The following SARDH variants were observed in gnomAD, a reference collection of about 807,000 sequenced individuals.
SARDH encodes sarcosine dehydrogenase.
SARDH carries 95 observed loss-of-function variants against 109.1 expected under a neutral mutation model. The observed-to-expected ratio is 0.87, with a 90% confidence interval of 0.74 to 1.03. The LOEUF (loss-of-function observed/expected upper bound fraction) is 1.03. Ranked by LOEUF, SARDH falls within the 50% of genes least tolerant of loss-of-function variation. SARDH has a pLI of 0.00. For missense variants in SARDH, 1,267 were observed against 1,287.8 expected, an observed-to-expected ratio of 0.98 and a Z score of 0.25; for synonymous variants, 572 against 534.8, an observed-to-expected ratio of 1.07 and a Z score of -0.96.
chr9:133,725,088 T>C (rs1207686755), intron 6 of SARDH, among the ~76,000 whole-genome samples: 1 of 152,192 alleles, frequency 6.6e-6, no homozygotes, highest in African/African-American at 2.4e-5. Flanking sequence ...ATACATGTAC[T>C]ACACGGACAA....
chr9:133,679,978 G>A (rs1297926500), intron 17 of SARDH, among the ~76,000 whole-genome samples: 1 of 152,196 alleles, frequency 6.6e-6, no homozygotes, highest in Non-Finnish European at 1.5e-5. Flanking sequence ...CATCTGGTTG[G>A]CTGGAACCCA....
In SARDH at chr9:133,733,889, C is replaced by T; in HGVS notation, c.285G>A (p.Leu95=). 3 of 1,509,852 alleles carry T rather than the reference C, an allele frequency of 2.0e-6. No homozygotes were observed. The highest frequency in any genetic ancestry group is 2.3e-5 in the East Asian group (1 of 42,574). 93.5% of individuals were successfully genotyped at this position (1,509,852 alleles called of 1,614,324 possible). A position where few individuals can be genotyped will look rare whatever the true frequency, so the allele number is the denominator to read the frequency against. The part of the protein sequence containing the change: ...LAKLGMSGAV[L]LERERLTSGT... ...CGGAGGTCAGCCGCTCCCGCTCCAGCAGCACCGCCCCACTCATGCCCAGCT... is the reference window on the plus strand; with the variant it reads ...CGGAGGTCAGCCGCTCCCGCTCCAGTAGCACCGCCCCACTCATGCCCAGCT... The change falls in exon 2 of 21, where the codon CTG becomes CTA. Residue 95 remains leucine (L), a synonymous_variant. Coordinates refer to ENST00000439388, the MANE Select transcript of SARDH (RefSeq NM_001134707.2).
intron 16 of SARDH, among the ~76,000 whole-genome samples, chr9:133,689,894 G>C (rs1045358274): frequency 2.0e-5 from 3 of 152,200 alleles, no homozygotes; most frequent in African/African-American, 7.2e-5. Flanking sequence ...TCATGGGTGG[G>C]GAACACAGCC....
At chr9:133,696,870 C>T (rs1485269715) in intron 13 of SARDH, among the ~76,000 whole-genome samples, 3 of 152,024 alleles carry the variant, frequency 2.0e-5, no homozygotes, top group Non-Finnish European at 2.9e-5. Context: ...GCTTGCATTA[C>T]GAAAGAAGAT....
chr9:133,707,939 G>A (rs943830035), intron 11 of SARDH, among the ~76,000 whole-genome samples: 13 of 152,276 alleles, frequency 8.5e-5, no homozygotes, highest in Middle Eastern at 3.4e-3. Context: ...CTCCCAATAC[G>A]TGGCTGCATA....
Position 133,690,519 on chromosome 9 carries a change from A to G in SARDH, c.1930T>C (p.Tyr644His). 6.3e-7 allele frequency: 1 copy of G among 1,599,800 alleles called. No individual in the cohort carries two copies. Among genetic ancestry groups the G allele is most frequent in the Non-Finnish European group, 8.5e-7 (1 of 1,175,070 alleles). The change falls in exon 16 of 21, where the codon TAC becomes CAC. Residue 644 changes from tyrosine to histidine, a missense_variant. Tyr to His is a moderately conservative substitution (Grantham distance 83). Coordinates refer to ENST00000439388, the MANE Select transcript of SARDH (RefSeq NM_001134707.2). ...ACGGCCCCGCCCATGGCCAGGTAGT[A>G]ACCGTCCCCTGGAAGAGAGGCACCT... ...PLAPAFEGDGYYLAMGGAVAQ... is the reference protein window; with the variant it reads ...PLAPAFEGDGHYLAMGGAVAQ...
chr9:133,682,237 C>T (rs765962049), intron 17 of SARDH, among the ~76,000 whole-genome samples: 11 of 152,122 alleles, frequency 7.2e-5, no homozygotes, highest in Non-Finnish European at 1.0e-4. Context: ...CAGCTGAGGG[C>T]GTTCCAAGTG....
intron 6 of SARDH, among the ~76,000 whole-genome samples, chr9:133,729,496 T>C (rs959528330): frequency 2.0e-5 from 3 of 152,174 alleles, no homozygotes; most frequent in Non-Finnish European, 4.4e-5. Flanking sequence ...CAGGACAGGC[T>C]GGACTGTGTT....
intron 6 of SARDH, among the ~76,000 whole-genome samples, chr9:133,722,756 C>T (rs561619313): frequency 4.1e-4 from 62 of 151,932 alleles, no homozygotes; most frequent in Non-Finnish European, 6.9e-4. Context: ...CTCACTGCAA[C>T]CTGCACCTCC....
Position 133,732,481 on chromosome 9 carries a change from C to A in SARDH, c.452G>T (p.Gly151Val). The change falls in exon 3 of 21, where the codon GGG becomes GTG. Residue 151 changes from glycine to valine, a missense_variant. Gly to Val is a moderately radical substitution (Grantham distance 109, BLOSUM62 -3). Transcript: ENST00000439388. ...TGLHTGWIQN[G>V]GLFIASNRQR... Reference sequence around the variant, plus strand: ...CCGGTTGGACGCGATGAAGAGGCCCCCATTCTGGATCCAGCCCGTGTGTAG... The same window carrying A: ...CCGGTTGGACGCGATGAAGAGGCCCACATTCTGGATCCAGCCCGTGTGTAG... 1 of 1,613,892 alleles carries A rather than the reference C, an allele frequency of 6.2e-7. No homozygotes were observed. Among genetic ancestry groups the A allele is most frequent in the Non-Finnish European group, 8.5e-7 (1 of 1,179,898 alleles).
chr9:133,670,594 T>G lies in SARDH; in HGVS notation c.2485A>C (p.Thr829Pro). 1 of 1,574,150 alleles carries G rather than the reference T, an allele frequency of 6.4e-7. No homozygotes were observed. Among genetic ancestry groups the G allele is most frequent in the Non-Finnish European group, 8.6e-7 (1 of 1,160,074 alleles). ...CAGCGGGATACTCACTCCTCCATGGTGAAGCACACCAGGCGCCGGCGGAGG... is the reference window on the plus strand; with the variant it reads ...CAGCGGGATACTCACTCCTCCATGGGGAAGCACACCAGGCGCCGGCGGAGG... Reference protein sequence around the residue: ...AGLRRRLVCFTMEDKVPMFGL... With the variant: ...AGLRRRLVCFPMEDKVPMFGL... The change falls in exon 19 of 21, where the codon ACC becomes CCC. Residue 829 changes from threonine to proline, a missense_variant. By Grantham distance (38) the Thr-to-Pro change is conservative. Coordinates refer to ENST00000439388, the MANE Select transcript of SARDH (RefSeq NM_001134707.2).
chr9:133,677,188 G>C (rs1830545558), intron 17 of SARDH, among the ~76,000 whole-genome samples: 1 of 152,090 alleles, frequency 6.6e-6, no homozygotes, highest in Non-Finnish European at 1.5e-5. Context: ...CCACCCCTTG[G>C]CGTGGCTCTA....
At position 133,664,554 on chromosome 9, in the gene SARDH, G is replaced by T. The variant is rs563005132; in HGVS notation, c.2632-540C>A. On this transcript the variant is annotated intron_variant, in intron 20 of 20. Coordinates refer to ENST00000439388, the MANE Select transcript of SARDH (RefSeq NM_001134707.2). ...AGGCAGGAGGAGGGTGTCACCTCCA[G>T]CCTGGCACAGCTGGTGACGCCTGGC... is the stretch of plus-strand genomic sequence containing the variant. 3.9e-5 allele frequency among the ~76,000 whole-genome samples: 6 copies of T among 152,294 alleles called. No individual in the cohort carries two copies. In the South Asian group the frequency reaches 1.2e-3, roughly 32 times the overall value.
rs999449746 is a variant in SARDH, at chr9:133,717,419, C to T, written c.1057G>A (p.Asp353Asn). The T allele has an allele frequency of 2.5e-6, 4 of 1,614,018 alleles. No individual in the cohort carries two copies. In the African/African-American group the frequency reaches 5.3e-5, roughly 22 times the overall value. The change falls in exon 8 of 21, where the codon GAC becomes AAC. Residue 353 changes from aspartate (D) to asparagine (N), a missense_variant. By Grantham distance (23) the Asp-to-Asn change is conservative. Coordinates refer to ENST00000439388, the MANE Select transcript of SARDH (RefSeq NM_001134707.2). ...DKFAFGLFDL[D>N]WEVFTQHIEG... is the part of the protein sequence containing the mutation. Reference sequence around the variant, plus strand: ...ATGTGCTGGGTGAACACCTCCCAGTCCAGGTCAAAGAGGCCGAAGGCAAAC... The same window carrying T: ...ATGTGCTGGGTGAACACCTCCCAGTTCAGGTCAAAGAGGCCGAAGGCAAAC...
At chr9:133,683,619 C>T (rs1315604183) in intron 17 of SARDH, among the ~76,000 whole-genome samples, 3 of 152,256 alleles carry the variant, frequency 2.0e-5, no homozygotes, top group African/African-American at 4.8e-5. Flanking sequence ...TAGACACAGC[C>T]GGCCCTGCTT....
At position 133,693,275 on chromosome 9, in the gene SARDH, C is replaced by T. The variant is rs1588411942; in HGVS notation, c.1921+983G>A. On this transcript the variant is annotated intron_variant, in intron 15 of 20. Coordinates refer to ENST00000439388, the MANE Select transcript of SARDH (RefSeq NM_001134707.2). The surrounding 1 kb of genome is among the most constrained non-coding windows in gnomAD (Gnocchi z 5.6). ...ACACACAGTCGGTGCTCAATGACTG[C>T]TGCCGAAGGTGCGGGTTATGAGCTG... Among the ~76,000 whole-genome samples the T allele has an allele frequency of 6.6e-6, 1 of 152,208 alleles. No individual in the cohort carries two copies. Among genetic ancestry groups the T allele is most frequent in the East Asian group, 1.9e-4 (1 of 5,206 alleles).
rs751874666 is a variant in SARDH at position 133,670,614 on chromosome 9, C to T, written c.2465G>A (p.Arg822His). The change falls in exon 19 of 21, where the codon CGC becomes CAC. Residue 822 changes from arginine (R) to histidine (H), a missense_variant. Transcript: ENST00000439388. The part of the protein sequence containing the change: ...ALEQQRAAGL[R>H]RRLVCFTMED... ...CATGGTGAAGCACACCAGGCGCCGG[C>T]GGAGGCCTGCGGCCCGCTGCTGCTC... 17 of 1,577,700 alleles carry T rather than the reference C, an allele frequency of 1.1e-5. No individual in the cohort carries two copies. Among genetic ancestry groups the T allele is most frequent in the Admixed American group, 3.6e-5 (2 of 54,816 alleles).
At chr9:133,675,651 C>T (rs1830488697) in intron 17 of SARDH, among the ~76,000 whole-genome samples, 3 of 152,322 alleles carry the variant, frequency 2.0e-5, no homozygotes, top group Middle Eastern at 3.4e-3. Context: ...TTTAAAAATA[C>T]AACTTCCATG....
intron 6 of SARDH, among the ~76,000 whole-genome samples, chr9:133,719,745 C>T (rs1166692912): frequency 6.6e-6 from 1 of 151,668 alleles, no homozygotes. Flanking sequence ...GGCTTGCCGC[C>T]CACCCTTCCT....
Sources: gnomAD v4.1 joint callset for allele counts (sites outside exome capture counted in the v4.1 genomes callset) on GRCh38, gnomAD v4.1.1 for gene constraint, Gnocchi (gnomAD v3.1) non-coding constraint, MANE v1.5 for transcripts, NCBI Gene and HGNC (gene_info 2026-07-23, HGNC 2026-07-21) for gene names.